Variants in HK3 observed in about 807,000 individuals in gnomAD.
The protein encoded by HK3 is hexokinase 3.
In HK3, 93 loss-of-function variants were observed where a neutral mutation model predicts 91.0. The observed-to-expected ratio is 1.02, with a 90% CI of 0.86 to 1.21. The LOEUF (loss-of-function observed/expected upper bound fraction) is 1.21, where lower values mean the gene tolerates loss of function less well. HK3 is among the 50% of genes most tolerant of loss of function. HK3 has a pLI of 0.00. For synonymous variants in HK3, 519 were observed against 516.9 expected (o/e 1.00, Z -0.06); for missense variants, 1,235 against 1,247.4 (o/e 0.99, Z 0.15).
chr5:176,887,370 GGGCTTGT>G lies in HK3; in HGVS notation c.1601-40_1601-34del. The stretch of plus-strand genomic sequence containing the variant: ...GGCAGAGACCCTCAGTGCCGGGATA[GGGCTTGT>G]GGCTCCAGCCCCAGCACACACTGGG... On this transcript the variant is annotated intron_variant, in intron 11 of 18. Coordinates refer to ENST00000292432, the MANE Select transcript of HK3 (RefSeq NM_002115.3). This position sits in a 1 kb window ranked among gnomAD's most constrained non-coding sequence, Gnocchi z 4.9. 1 of 1,613,694 alleles carries G rather than the reference GGGCTTGT, an allele frequency of 6.2e-7. No homozygotes were observed.
intron 10 of HK3, among the ~76,000 whole-genome samples, chr5:176,888,104 C>T (rs776093295): frequency 2.6e-5 from 4 of 152,130 alleles, no homozygotes; most frequent in African/African-American, 7.2e-5. Flanking sequence ...TGTGCACCAG[C>T]CATACGCCCC....
Position 176,890,698 on chromosome 5 carries a change from C to A in HK3, c.567G>T (p.Arg189Ser). ...STLISWTKGF[R>S]CSGVEGQDVV... Reference sequence around the variant, plus strand: ...CATCCTGGCCTTCCACACCACTGCACCTAAAACCTTTGGTCCAGGAAATGA... The same window carrying A: ...CATCCTGGCCTTCCACACCACTGCAACTAAAACCTTTGGTCCAGGAAATGA... Residue 189 changes from arginine (R) to serine (S), a missense_variant, in exon 6 of 19, where the codon AGG becomes AGT. This residue lies in a region of HK3 where 717 missense variants were observed against 751.6 expected (regional missense o/e 0.95). Transcript: ENST00000292432. 1 of 1,614,204 alleles carries A rather than the reference C, an allele frequency of 6.2e-7. No individual in the cohort carries two copies. Among genetic ancestry groups the A allele is most frequent in the Non-Finnish European group, 8.5e-7 (1 of 1,180,028 alleles).
In HK3 at chr5:176,881,473, G is replaced by C. The variant is rs756561004; in HGVS notation, c.2456C>G (p.Ser819Ter). The C allele has an allele frequency of 1.9e-6, 3 of 1,608,366 alleles. No homozygotes were observed. The highest frequency in any genetic ancestry group is 2.2e-5 in the South Asian group (2 of 91,086). Reference protein sequence around the residue: ...ILEDLGLPLTSDDALMVLEVC... With the variant: ...ILEDLGLPLT ...CTCTAGCACCATCAGGGCGTCATCT[G>C]AGGTCAGGGGTAGCCCCAGATCCTC... is the stretch of plus-strand genomic sequence containing the variant. The change falls in exon 18 of 19, where the codon TCA (serine) becomes TGA (stop). Residue 819 changes from serine (S) to a stop codon, truncating the protein, a stop_gained. Coordinates refer to ENST00000292432, the MANE Select transcript of HK3 (RefSeq NM_002115.3). LOFTEE classifies it high-confidence loss of function.
At chr5:176,883,924 A>G in intron 14 of HK3, 55 bp from the exon 15 acceptor site, 2 of 1,593,176 alleles carry the variant, frequency 1.3e-6, no homozygotes, top group African/African-American at 1.3e-5. Context: ...CACAGCAACC[A>G]GCACTGGACC....
rs1317681150 is a variant in HK3, at chr5:176,891,128, A to AC, written c.322dup (p.Val108GlyfsTer7). ...ATGCCCCTCAATGCCAGTTAGAGTC[A>AC]CCCACAAAACACGCAGTGAGGCCCC... On this transcript the variant is annotated frameshift_variant, in exon 4 of 19. Transcript: ENST00000292432. LOFTEE classifies it high-confidence loss of function. The AC allele has an allele frequency of 6.2e-7, 1 of 1,613,958 alleles. No homozygotes were observed. Among genetic ancestry groups the AC allele is most frequent in the Non-Finnish European group, 8.5e-7 (1 of 1,180,020 alleles).
chr5:176,887,455 G>T lies in HK3; in HGVS notation c.1596C>A (p.Gly532=). 2 of 1,611,962 alleles carry T rather than the reference G, an allele frequency of 1.2e-6. No individual in the cohort carries two copies. Among genetic ancestry groups the T allele is most frequent in the South Asian group, 1.1e-5 (1 of 91,054 alleles). The change falls in exon 11 of 19, where the codon GGC becomes GGA. Residue 532 remains glycine, a synonymous_variant. Transcript: ENST00000292432. This position sits in a 1 kb window ranked among gnomAD's most constrained non-coding sequence, Gnocchi z 4.9. ...LPTFVRATPD[G]SERGDFLALD... ...ACACTCAGGCCAGGTCCTTACCGCTGCCGTCAGGGGTGGCCCGGACGAAAG... is the reference window on the plus strand; with the variant it reads ...ACACTCAGGCCAGGTCCTTACCGCTTCCGTCAGGGGTGGCCCGGACGAAAG...
rs753555733 is a variant in HK3 at position 176,881,491 on chromosome 5, A to G, written c.2438T>C (p.Leu813Pro). ...LRQVRAILED[L>P]GLPLTSDDAL... is the part of the protein sequence containing the mutation. ...GTCATCTGAGGTCAGGGGTAGCCCC[A>G]GATCCTCTAGGATGGCTCGGACCTG... The change falls in exon 18 of 19, where the codon CTG (leucine) becomes CCG (proline). Residue 813 changes from leucine to proline, a missense_variant. Leu to Pro is a moderately conservative substitution (Grantham distance 98). Around this residue, in one of 3 missense-constraint regions of HK3, gnomAD observed 513 missense variants for 477.4 expected, o/e 1.07. Coordinates refer to ENST00000292432, the MANE Select transcript of HK3 (RefSeq NM_002115.3). 2.5e-6 allele frequency: 4 copies of G among 1,607,210 alleles called. No individual in the cohort carries two copies. The highest frequency in any genetic ancestry group is 1.7e-5 in the Admixed American group (1 of 59,998).
Position 176,891,159 on chromosome 5 carries a change from C to A in HK3, c.292G>T (p.Ala98Ser), listed in dbSNP as rs147082368. Reference sequence around the variant, plus strand: ...AAAACACGCAGTGAGGCCCCTGTGGCCCCCAGCTCCAGCACCACGAAGTCT... The same window carrying A: ...AAAACACGCAGTGAGGCCCCTGTGGACCCCAGCTCCAGCACCACGAAGTCT... ...QGDFVVLELGATGASLRVLWV... is the reference protein window; with the variant it reads ...QGDFVVLELGSTGASLRVLWV... The change falls in exon 4 of 19, where the codon GCC becomes TCC. Residue 98 changes from alanine (A) to serine (S), a missense_variant. By Grantham distance (99) the Ala-to-Ser change is moderately conservative. Around this residue, in one of 3 missense-constraint regions of HK3, gnomAD observed 717 missense variants for 751.6 expected, o/e 0.95. Coordinates refer to ENST00000292432, the MANE Select transcript of HK3 (RefSeq NM_002115.3). The A allele has an allele frequency of 1.2e-6, 2 of 1,613,998 alleles. No homozygotes were observed. Among genetic ancestry groups the A allele is most frequent in the Non-Finnish European group, 1.7e-6 (2 of 1,180,042 alleles).
rs1209571100 is a variant in HK3, at chr5:176,888,512, C to T, written c.1124G>A (p.Ser375Asn). 2.6e-6 allele frequency: 4 copies of T among 1,555,194 alleles called. No homozygotes were observed. The highest frequency in any genetic ancestry group is 3.9e-5 in the Admixed American group (2 of 51,286). The part of the protein sequence containing the change: ...VHAILQDLGL[S>N]PGASDVELVQ... ...AAGCTCAACATCCGAAGCCCCAGGG[C>T]TCAGGCCCAAGTCCTGCAGGATAGC... is the stretch of plus-strand genomic sequence containing the variant. Residue 375 changes from serine to asparagine, a missense_variant, in exon 10 of 19, where the codon AGC becomes AAC. By Grantham distance (46) the Ser-to-Asn change is conservative (BLOSUM62 1). Coordinates refer to ENST00000292432, the MANE Select transcript of HK3 (RefSeq NM_002115.3).
intron 2 of HK3, among the ~76,000 whole-genome samples, chr5:176,893,259 T>C (rs78774937): frequency 0.037 from 5,699 of 152,218 alleles, 376 homozygotes; most frequent in African/African-American, 0.13. Context: ...GATGTTTCTA[T>C]GTCAATGTGA....
intron 2 of HK3, among the ~76,000 whole-genome samples, chr5:176,893,866 C>T (rs1230282951): frequency 6.6e-6 from 1 of 152,168 alleles, no homozygotes; most frequent in Non-Finnish European, 1.5e-5. Flanking sequence ...CCAGGAAGAG[C>T]AGGGAGAGAC....
At position 176,881,524 on chromosome 5, in the gene HK3, G is replaced by T. The variant is rs373706090; in HGVS notation, c.2405C>A (p.Ala802Asp). ...FLSEIESDSL[A>D]LRQVRAILED... ...TAGGATGGCTCGGACCTGCCGCAGG[G>T]CCAGGCTGTCACTGGGGGCCAGGAA... The change falls in exon 18 of 19, where the codon GCC becomes GAC. Residue 802 changes from alanine (A) to aspartate (D), a missense_variant. Transcript: ENST00000292432. 10 of 1,602,688 alleles carry T rather than the reference G, an allele frequency of 6.2e-6. No homozygotes were observed. The highest frequency in any genetic ancestry group is 7.6e-6 in the Non-Finnish European group (9 of 1,177,454).
At chr5:176,882,344 C>T (rs773739426) in intron 15 of HK3, among the ~76,000 whole-genome samples, 5 of 152,218 alleles carry the variant, frequency 3.3e-5, no homozygotes, top group Non-Finnish European at 7.3e-5. Flanking sequence ...TTCCCACCAA[C>T]ATCACCATCA....
Position 176,881,046 on chromosome 5 carries a change from G to A in HK3, c.*27C>T, listed in dbSNP as rs199987569. 47 of 1,572,546 alleles carry A rather than the reference G, an allele frequency of 3.0e-5. No individual in the cohort carries two copies. Among genetic ancestry groups the A allele is most frequent in the African/African-American group, 8.2e-5 (6 of 73,206 alleles). On this transcript the variant is annotated 3_prime_UTR_variant, in exon 19 of 19. Coordinates refer to ENST00000292432, the MANE Select transcript of HK3 (RefSeq NM_002115.3). ...GACCCGGCTCCAGCAAGGCTGCGGC[G>A]GAGACCTCCTCAGCCTGGAGGTTTC... is the stretch of plus-strand genomic sequence containing the variant.
chr5:176,886,087 G>C (rs1415518009), intron 13 of HK3, among the ~76,000 whole-genome samples: 1 of 152,000 alleles, frequency 6.6e-6, no homozygotes. Context: ...AAATGAGCTG[G>C]GCGTGTTGGC....
In HK3 at chr5:176,881,152, T is replaced by C. The variant is rs1581286485; in HGVS notation, c.2693A>G (p.Gln898Arg). 1 of 1,613,116 alleles carries C rather than the reference T, an allele frequency of 6.2e-7. No individual in the cohort carries two copies. Among genetic ancestry groups the C allele is most frequent in the East Asian group, 2.2e-5 (1 of 44,872 alleles). The change falls in exon 19 of 19, where the codon CAG becomes CGG. Residue 898 changes from glutamine to arginine, a missense_variant. Transcript: ENST00000292432. ...ACCTTTGCCGGACCCATCCTCTGACTGCAGGAACGTGACCACACAGCGAGG... is the reference window on the plus strand; with the variant it reads ...ACCTTTGCCGGACCCATCCTCTGACCGCAGGAACGTGACCACACAGCGAGG... Reference protein sequence around the residue: ...LAPRCVVTFLQSEDGSGKGAA... With the variant: ...LAPRCVVTFLRSEDGSGKGAA...
chr5:176,898,077 GCTCT>G (rs887574596), intron 1 of HK3, among the ~76,000 whole-genome samples: 5 of 152,088 alleles, frequency 3.3e-5, no homozygotes, highest in Admixed American at 1.3e-4. Context: ...TGGATCTCAG[GCTCT>G]CTAAGAGCTC....
intron 10 of HK3, 62 bp downstream of exon 10, chr5:176,888,270 G>A: frequency 7.3e-7 from 1 of 1,376,368 alleles, no homozygotes; most frequent in Non-Finnish European, 1.0e-6. Flanking sequence ...AGGGCCCTCT[G>A]GGTGTGTATC....
At chr5:176,888,957 C>A in intron 8 of HK3, 93 bp from the exon 9 acceptor site, 1 of 1,432,798 alleles carries the variant, frequency 7.0e-7, no homozygotes, top group Non-Finnish European at 9.4e-7. Flanking sequence ...GGATTCTTTT[C>A]TTTGGGGCTC....
Sources: gnomAD v4.1 joint callset for allele counts (sites outside exome capture counted in the v4.1 genomes callset) on GRCh38, gnomAD v4.1.1 for gene constraint, gnomAD v4.1.1 regional missense constraint, Gnocchi (gnomAD v3.1) non-coding constraint, MANE v1.5 for transcripts, NCBI Gene and HGNC (gene_info 2026-07-23, HGNC 2026-07-21) for gene names.